The following FAM241A variants were observed in gnomAD, a reference collection of about 807,000 sequenced individuals.
FAM241A encodes uncharacterized protein FAM241A.
Under a neutral mutation model 12.2 loss-of-function variants are expected in FAM241A, and 7 were observed. The observed-to-expected ratio is 0.58, with a 90% CI of 0.33 to 1.08. The LOEUF (loss-of-function observed/expected upper bound fraction) is 1.08, where lower values mean the gene tolerates loss of function less well. Among genes scored for constraint, FAM241A ranks in the 50% least tolerant of loss-of-function variants. The pLI, the probability that FAM241A is intolerant of heterozygous loss-of-function variation, is 0.04. For missense variants in FAM241A, 161 were observed against 169.7 expected (o/e 0.95, Z 0.29); for synonymous variants, 74 against 68.2 (o/e 1.08, Z -0.42).
intron 1 of FAM241A, chr4:112,171,373 A>G: frequency 1.3e-6 from 1 of 763,274 alleles, no homozygotes; most frequent in Non-Finnish European, 2.4e-6. Context: ...GGACAAGCTA[A>G]GCCAATTTTC....
intron 1 of FAM241A, among the ~76,000 whole-genome samples, chr4:112,164,435 A>T (rs1272455526): frequency 2.0e-5 from 3 of 151,084 alleles, no homozygotes; most frequent in Non-Finnish European, 2.9e-5. Flanking sequence ...AACATCACAC[A>T]CCGGGACCTA....
At chr4:112,165,183 C>A (rs752835595) in intron 1 of FAM241A, among the ~76,000 whole-genome samples, 2 of 152,152 alleles carry the variant, frequency 1.3e-5, no homozygotes, top group Non-Finnish European at 2.9e-5. Context: ...CAGAGAAATG[C>A]AAATCAAAAC....
At chr4:112,154,854 G>A (rs910206468) in intron 1 of FAM241A, among the ~76,000 whole-genome samples, 9 of 151,716 alleles carry the variant, frequency 5.9e-5, no homozygotes, top group Non-Finnish European at 7.4e-5. Context: ...CCAACATGGC[G>A]AAACCCCGCC....
chr4:112,182,602 A>C (rs1723962279), intron 1 of FAM241A, among the ~76,000 whole-genome samples: 1 of 152,204 alleles, frequency 6.6e-6, no homozygotes. Context: ...ACTTATTTCA[A>C]GTATCTCTTA....
At chr4:112,160,787 C>G (rs1479113947) in intron 1 of FAM241A, among the ~76,000 whole-genome samples, 3 of 152,020 alleles carry the variant, frequency 2.0e-5, no homozygotes, top group African/African-American at 7.2e-5. Flanking sequence ...ACAAGGGTGC[C>G]AAGAATATAC....
At chr4:112,180,191 G>A (rs1002828932) in intron 1 of FAM241A, among the ~76,000 whole-genome samples, 1 of 151,760 alleles carries the variant, frequency 6.6e-6, no homozygotes, top group Non-Finnish European at 1.5e-5. Flanking sequence ...AGTAGACACT[G>A]GGGACTACTG....
At chr4:112,146,568 T>C (rs1345736815) in intron 1 of FAM241A, among the ~76,000 whole-genome samples, 1 of 152,222 alleles carries the variant, frequency 6.6e-6, no homozygotes, top group Non-Finnish European at 1.5e-5. Flanking sequence ...ATACCTGAGG[T>C]AAGCCGCTCT....
intron 1 of FAM241A, among the ~76,000 whole-genome samples, chr4:112,154,558 G>A (rs1414069764): frequency 6.6e-6 from 1 of 151,064 alleles, no homozygotes; most frequent in South Asian, 2.2e-4. Context: ...ATGAGCCACC[G>A]TGCCCAGCCT....
intron 1 of FAM241A, among the ~76,000 whole-genome samples, chr4:112,157,513 G>A (rs1198966755): frequency 1.3e-5 from 2 of 151,920 alleles, no homozygotes; most frequent in Non-Finnish European, 2.9e-5. Flanking sequence ...TTTCTGGATA[G>A]CAGGGATATG....
chr4:112,172,863 T>A (rs1723751096), intron 1 of FAM241A, among the ~76,000 whole-genome samples: 1 of 152,218 alleles, frequency 6.6e-6, no homozygotes, highest in South Asian at 2.1e-4. Flanking sequence ...ATTTATTTGC[T>A]GTTTTTTTCT....
intron 1 of FAM241A, among the ~76,000 whole-genome samples, chr4:112,161,910 A>G (rs759529268): frequency 3.3e-5 from 5 of 152,212 alleles, no homozygotes; most frequent in African/African-American, 1.2e-4. Context: ...GAAATCTTCA[A>G]TAAAATACTG....
At position 112,192,397 on chromosome 4, in the gene FAM241A, C is replaced by T. The variant is rs1229859014; in HGVS notation, c.*5459C>T. ...TTTTAGGGTACATGTGTACAATGTGCAGGTTAGTTACATATGTATACATGT... is the reference window on the plus strand; with the variant it reads ...TTTTAGGGTACATGTGTACAATGTGTAGGTTAGTTACATATGTATACATGT... On this transcript the variant is annotated 3_prime_UTR_variant, in exon 2 of 2. Coordinates refer to ENST00000309733, the MANE Select transcript of FAM241A (RefSeq NM_152400.3). 1 of 151,460 alleles carries T rather than the reference C, an allele frequency of 6.6e-6. No individual in the cohort carries two copies. The highest frequency in any genetic ancestry group is 1.5e-5 in the Non-Finnish European group (1 of 67,922). 9.4% of individuals were successfully genotyped at this position (151,460 alleles called of 1,614,324 possible). A position where few individuals can be genotyped will look rare whatever the true frequency, so the allele number is the denominator to read the frequency against.
At chr4:112,168,132 C>A (rs1723636500) in intron 1 of FAM241A, among the ~76,000 whole-genome samples, 1 of 152,166 alleles carries the variant, frequency 6.6e-6, no homozygotes, top group African/African-American at 2.4e-5. Flanking sequence ...ACTATATCAC[C>A]ATTCACCTAA....
In FAM241A at chr4:112,145,724, G is replaced by A. The variant is rs866057160; in HGVS notation, c.144G>A (p.Glu48=). ...SPRRRGQRPK[E]SEQDVEDSQN... Reference sequence around the variant, plus strand: ...GGCGGCGCGGACAGCGGCCGAAGGAGAGCGAGCAGGTGAGCGCGGGGAGGG... The same window carrying A: ...GGCGGCGCGGACAGCGGCCGAAGGAAAGCGAGCAGGTGAGCGCGGGGAGGG... The change falls in exon 1 of 2, where the codon GAG becomes GAA. Residue 48 remains glutamate (E), a synonymous_variant. Transcript: ENST00000309733. The A allele has an allele frequency of 1.7e-6, 2 of 1,195,314 alleles. No individual in the cohort carries two copies. Among genetic ancestry groups the A allele is most frequent in the East Asian group, 3.5e-5 (1 of 28,316 alleles). The allele number at this position is 1,195,314 out of a possible 1,614,324, so 74.0% of individuals were successfully genotyped here.
intron 1 of FAM241A, among the ~76,000 whole-genome samples, chr4:112,183,581 C>T (rs1053456358): frequency 6.9e-6 from 1 of 145,806 alleles, no homozygotes; most frequent in African/African-American, 2.6e-5. Flanking sequence ...GTACTTTCTT[C>T]GTACTAAAAC....
intron 1 of FAM241A, among the ~76,000 whole-genome samples, chr4:112,177,274 T>C (rs1425735790): frequency 2.4e-5 from 3 of 126,798 alleles, no homozygotes; most frequent in East Asian, 2.3e-4. Flanking sequence ...GTGTAAAATG[T>C]ATTCATTCTG....
At chr4:112,168,315 T>A (rs1376245502) in intron 1 of FAM241A, among the ~76,000 whole-genome samples, 1 of 152,140 alleles carries the variant, frequency 6.6e-6, no homozygotes, top group East Asian at 1.9e-4. Flanking sequence ...GCAATTAAAC[T>A]TTTTTTCCCT....
chr4:112,181,933 G>A (rs1723950476), intron 1 of FAM241A, among the ~76,000 whole-genome samples: 1 of 152,202 alleles, frequency 6.6e-6, no homozygotes, highest in Non-Finnish European at 1.5e-5. Flanking sequence ...TGGCTACATT[G>A]TGGTATATAG....
chr4:112,195,100 A>C lies in FAM241A; in HGVS notation c.*8162A>C, dbSNP rs1038684910. 6.6e-6 allele frequency: 1 copy of C among 152,234 alleles called. No homozygotes were observed. Among genetic ancestry groups the C allele is most frequent in the Non-Finnish European group, 1.5e-5 (1 of 68,060 alleles). 9.4% of individuals were successfully genotyped at this position (152,234 alleles called of 1,614,324 possible). On this transcript the variant is annotated 3_prime_UTR_variant, in exon 2 of 2. Transcript: ENST00000309733. ...ATTTTAATTTTTACAAAAAACTCTT[A>C]AACTTTTTTGTGAGCAGAAATTCTC... is the stretch of plus-strand genomic sequence containing the variant.
Sources: gnomAD v4.1 joint callset for allele counts (sites outside exome capture counted in the v4.1 genomes callset) on GRCh38, gnomAD v4.1.1 for gene constraint, MANE v1.5 for transcripts, NCBI Gene and HGNC (gene_info 2026-07-23, HGNC 2026-07-21) for gene names.